Variants in KCNIP1 observed in about 807,000 individuals in gnomAD.
The protein encoded by KCNIP1 is potassium voltage-gated channel interacting protein 1.
Under a neutral mutation model 33.0 loss-of-function variants are expected in KCNIP1, and 18 were observed. The ratio of observed to expected loss-of-function variants is 0.55; its 90% CI spans 0.38 to 0.81. The LOEUF is 0.81. Ranked by LOEUF, KCNIP1 falls within the 30% of genes least tolerant of loss-of-function variation. The pLI is 0.00. For missense variants in KCNIP1, 238 were observed against 271.6 expected (o/e 0.88, Z 0.87); for synonymous variants, 93 against 98.3 (o/e 0.95, Z 0.32).
intron 1 of KCNIP1, among the ~76,000 whole-genome samples, chr5:170,367,416 AG>A (rs1763714738): frequency 5.0e-5 from 6 of 119,900 alleles, no homozygotes; most frequent in East Asian, 4.7e-4. Flanking sequence ...AAAGAAAGAA[AG>A]AAAGGAAAGA....
chr5:170,470,823 G>T (rs971731824), intron 1 of KCNIP1, among the ~76,000 whole-genome samples: 1 of 152,172 alleles, frequency 6.6e-6, no homozygotes, highest in Non-Finnish European at 1.5e-5. Context: ...GCTCTTGCCC[G>T]TGGGCATGAT....
At chr5:170,505,550 A>G (rs1754683340) in intron 1 of KCNIP1, among the ~76,000 whole-genome samples, 1 of 152,180 alleles carries the variant, frequency 6.6e-6, no homozygotes, top group Non-Finnish European at 1.5e-5. Flanking sequence ...TTCAAATTCT[A>G]CCATCAGAGC....
At chr5:170,470,253 G>A (rs549330530) in intron 1 of KCNIP1, among the ~76,000 whole-genome samples, 1 of 152,058 alleles carries the variant, frequency 6.6e-6, no homozygotes, top group Non-Finnish European at 1.5e-5. Flanking sequence ...CCCTTGCCCA[G>A]GAAACCTTTC....
chr5:170,406,969 C>T (rs1015765445), intron 1 of KCNIP1, among the ~76,000 whole-genome samples: 1 of 152,216 alleles, frequency 6.6e-6, no homozygotes, highest in Admixed American at 6.5e-5. Context: ...CACCATTCAG[C>T]AGCTTTCAAG....
At chr5:170,672,368 G>T (rs1222981318) in intron 1 of KCNIP1, among the ~76,000 whole-genome samples, 1 of 152,234 alleles carries the variant, frequency 6.6e-6, no homozygotes, top group East Asian at 1.9e-4. Context: ...GTTCAGAAAA[G>T]AGATGTCCAT....
intron 1 of KCNIP1, among the ~76,000 whole-genome samples, chr5:170,420,045 A>T (rs1281467513): frequency 6.6e-6 from 1 of 152,236 alleles, no homozygotes; most frequent in Non-Finnish European, 1.5e-5. Flanking sequence ...AAACACAATG[A>T]GACCACATAT....
intron 1 of KCNIP1, among the ~76,000 whole-genome samples, chr5:170,355,580 G>A (rs1763325449): frequency 6.6e-6 from 1 of 152,154 alleles, no homozygotes; most frequent in Non-Finnish European, 1.5e-5. Flanking sequence ...GGGGTCAACA[G>A]GCATAGAGAA....
At chr5:170,353,748 C>T in exon 1 of KCNIP1, 1 of 781,286 alleles carries the variant, frequency 1.3e-6, no homozygotes, top group Non-Finnish European at 2.1e-6. Flanking sequence ...GTTCCCGGAG[C>T]CTGGCTTCAG....
At chr5:170,623,843 T>C (rs566249282) in intron 1 of KCNIP1, among the ~76,000 whole-genome samples, 69 of 152,288 alleles carry the variant, frequency 4.5e-4, no homozygotes, top group East Asian at 9.7e-4. Context: ...AGGTCTTACA[T>C]TGGGGGCCCT....
chr5:170,358,464 C>T (rs1763407517), intron 1 of KCNIP1, among the ~76,000 whole-genome samples: 1 of 152,202 alleles, frequency 6.6e-6, no homozygotes, highest in Admixed American at 6.5e-5. Context: ...TGACCTTGGA[C>T]CCGGGCATGG....
At chr5:170,371,288 G>A (rs1370178299) in intron 1 of KCNIP1, among the ~76,000 whole-genome samples, 2 of 152,126 alleles carry the variant, frequency 1.3e-5, no homozygotes, top group Non-Finnish European at 2.9e-5. Context: ...ACCTTTGTGG[G>A]ACATTTTCAG....
At chr5:170,423,904 G>A (rs900987310) in intron 1 of KCNIP1, among the ~76,000 whole-genome samples, 5 of 152,164 alleles carry the variant, frequency 3.3e-5, no homozygotes, top group Admixed American at 2.6e-4. Context: ...CGGAGGTAGC[G>A]CTGTCTACTA....
chr5:170,431,876 T>C lies in KCNIP1; in HGVS notation c.88+77912T>C, dbSNP rs1379324477. 2.6e-5 allele frequency among the ~76,000 whole-genome samples: 4 copies of C among 152,222 alleles called. No individual in the cohort carries two copies. In the East Asian group the frequency reaches 7.7e-4, roughly 29 times the overall value. ...CTCCAGACTTCCTTCTGTCTCTGCCTCTCCACTGACACCTGCCTCTGCTGT... is the reference window on the plus strand; with the variant it reads ...CTCCAGACTTCCTTCTGTCTCTGCCCCTCCACTGACACCTGCCTCTGCTGT... On this transcript the variant is annotated intron_variant, in intron 1 of 7. Coordinates refer to the KCNIP1 transcript ENST00000377360.
intron 1 of KCNIP1, among the ~76,000 whole-genome samples, chr5:170,443,157 G>A (rs1181432426): frequency 6.6e-6 from 1 of 152,158 alleles, no homozygotes; most frequent in African/African-American, 2.4e-5. Flanking sequence ...AAGGTGGCTT[G>A]GATCACCACC....
intron 1 of KCNIP1, among the ~76,000 whole-genome samples, chr5:170,355,626 C>A (rs17648820): frequency 0.45 from 68,077 of 152,036 alleles, 16,048 homozygotes; most frequent in African/African-American, 0.6. Flanking sequence ...TGCCTCCAAA[C>A]AGTGACATCT....
Position 170,447,321 on chromosome 5 carries a change from T to A in KCNIP1, c.88+93357T>A, listed in dbSNP as rs116191348. Among the ~76,000 whole-genome samples the A allele has an allele frequency of 5.7e-3, 874 of 152,314 alleles. 11 individuals are homozygous for A. Among genetic ancestry groups the A allele is most frequent in the South Asian group, 0.022 (107 of 4,826 alleles). ...CACGGGCACTCACATGTTCAAGTTA[T>A]GTTCAGGAATCTTCCTGTTTTCTTT... On this transcript the variant is annotated intron_variant, in intron 1 of 7. Coordinates refer to the KCNIP1 transcript ENST00000377360.
chr5:170,551,311 T>C (rs917406553), intron 1 of KCNIP1, among the ~76,000 whole-genome samples: 4 of 152,190 alleles, frequency 2.6e-5, no homozygotes, highest in African/African-American at 9.6e-5. Context: ...CTTCTAAGAT[T>C]ACGTTATTAT....
chr5:170,732,433 T>C (rs1178528936), intron 5 of KCNIP1, among the ~76,000 whole-genome samples: 2 of 152,230 alleles, frequency 1.3e-5, no homozygotes, highest in African/African-American at 4.8e-5. Flanking sequence ...GCAGAAACTA[T>C]GGGGATTTTT....
intron 1 of KCNIP1, chr5:170,669,548 G>T (rs1761838710): frequency 5.1e-6 from 5 of 985,196 alleles, no homozygotes; most frequent in Non-Finnish European, 6.0e-6. Flanking sequence ...GATGGTTGAT[G>T]GAAGTAGCAG....
Sources: gnomAD v4.1 joint callset for allele counts (sites outside exome capture counted in the v4.1 genomes callset) on GRCh38, gnomAD v4.1.1 for gene constraint, MANE v1.5 for transcripts, NCBI Gene and HGNC (gene_info 2026-07-23, HGNC 2026-07-21) for gene names.